The following IARS1 variants were observed in gnomAD, a reference collection of about 807,000 sequenced individuals.
IARS1 encodes the protein isoleucyl-tRNA synthetase 1.
A neutral mutation model predicts 168.2 loss-of-function variants in IARS1; 124 were observed. That is an observed-to-expected ratio of 0.74 (90% CI 0.64 to 0.86). The LOEUF (loss-of-function observed/expected upper bound fraction) is 0.86, where lower values mean the gene tolerates loss of function less well. Ranked by LOEUF, IARS1 falls within the 40% of genes least tolerant of loss-of-function variation. The pLI is 0.00. For synonymous variants in IARS1, 532 were observed against 529.4 expected, an observed-to-expected ratio of 1.00 and a Z score of -0.07; for missense variants, 1,452 against 1,515.8, an observed-to-expected ratio of 0.96 and a Z score of 0.70.
In IARS1 at chr9:92,293,691, G is replaced by A. The variant is rs1392356977; in HGVS notation, c.-88C>T. 7.5e-6 allele frequency: 2 copies of A among 268,038 alleles called. No individual in the cohort carries two copies. The highest frequency in any genetic ancestry group is 4.5e-5 in the African/African-American group (2 of 44,882). 16.6% of individuals were successfully genotyped at this position (268,038 alleles called of 1,614,324 possible). ...TCATCCGGCGTCCACGCTGCAACCG[G>A]GCGCACGGAGGTGATGCAACGCGCT... is the stretch of plus-strand genomic sequence containing the variant. On this transcript the variant is annotated 5_prime_UTR_variant, in exon 1 of 34. Transcript: ENST00000443024.
chr9:92,240,966 G>C lies in IARS1; in HGVS notation c.3178-5C>G. On this transcript the variant is annotated splice_polypyrimidine_tract_variant and splice_region_variant and intron_variant, in intron 29 of 33. Transcript: ENST00000443024. ...TTCCAGTTCAGATCCCTTCAACTGA[G>C]CACATGAGAACGTATGACTGAGTAA... The C allele has an allele frequency of 6.4e-7, 1 of 1,571,698 alleles. No individual in the cohort carries two copies. The highest frequency in any genetic ancestry group is 2.2e-5 in the East Asian group (1 of 44,674).
intron 31 of IARS1, among the ~76,000 whole-genome samples, chr9:92,226,319 T>A (rs955885873): frequency 6.6e-6 from 1 of 152,176 alleles, no homozygotes; most frequent in African/African-American, 2.4e-5. Context: ...CTGACAACAT[T>A]TGAGTCTGCC....
rs1263306741 is a variant in IARS1, at chr9:92,240,719, GA to G, written c.3283+136del. The G allele has an allele frequency of 2.5e-5, 18 of 720,814 alleles. No homozygotes were observed. In the East Asian group the frequency reaches 4.8e-4, roughly 19 times the overall value. 44.7% of individuals were successfully genotyped at this position (720,814 alleles called of 1,614,324 possible). On this transcript the variant is annotated intron_variant, in intron 30 of 33. Transcript: ENST00000443024. ...AGTGAATTCATTTTGATGACAAGAA[GA>G]AAAAGTTATCTATTAAACATGATTA...
In IARS1 at chr9:92,285,794, A is replaced by G. The variant is rs199503628; in HGVS notation, c.525T>C (p.Gly175=). 6.2e-7 allele frequency: 1 copy of G among 1,613,580 alleles called. No homozygotes were observed. Reference sequence around the variant, plus strand: ...CCGTAGAGAAGGGCATGACTTTCACACCTCTATAAACAAGGCCTTTATCAT... The same window carrying G: ...CCGTAGAGAAGGGCATGACTTTCACGCCTCTATAAACAAGGCCTTTATCAT... ...QLYDKGLVYR[G]VKVMPFSTAC... Residue 175 remains glycine (G), a synonymous_variant, in exon 6 of 34, where the codon GGT becomes GGC. Transcript: ENST00000443024.
At chr9:92,221,646 G>T (rs184478585) in intron 33 of IARS1, among the ~76,000 whole-genome samples, 55 of 152,308 alleles carry the variant, frequency 3.6e-4, no homozygotes, top group Non-Finnish European at 1.2e-4. Flanking sequence ...AGTGCTAAGT[G>T]GGAGAACGGG....
At chr9:92,233,069 C>T (rs1306767956) in intron 30 of IARS1, among the ~76,000 whole-genome samples, 1 of 152,158 alleles carries the variant, frequency 6.6e-6, no homozygotes, top group Non-Finnish European at 1.5e-5. Context: ...AATTTTCTTT[C>T]ATTATGAAGA....
In IARS1 at chr9:92,210,903, A is replaced by T; in HGVS notation, c.3707-14T>A. 3 of 1,513,752 alleles carry T rather than the reference A, an allele frequency of 2.0e-6. No homozygotes were observed. Among genetic ancestry groups the T allele is most frequent in the Non-Finnish European group, 2.8e-6 (3 of 1,088,834 alleles). 93.8% of individuals were successfully genotyped at this position (1,513,752 alleles called of 1,614,324 possible). ...CTTCTGTAATTTCTAGAATGGAAAG[A>T]AAAAGTTGAAAAAAAATCAGTATTT... On this transcript the variant is annotated splice_polypyrimidine_tract_variant and intron_variant, in intron 33 of 33. Coordinates refer to ENST00000443024, the MANE Select transcript of IARS1 (RefSeq NM_002161.6).
chr9:92,251,722 G>A (rs1185526811), intron 22 of IARS1, 86 bp downstream of exon 22: 1 of 864,616 alleles, frequency 1.2e-6, no homozygotes, highest in Non-Finnish European at 1.9e-6. Context: ...AATACAGAAT[G>A]GATATAAATG....
At chr9:92,212,391 T>G (rs1318604219) in intron 33 of IARS1, among the ~76,000 whole-genome samples, 6 of 152,016 alleles carry the variant, frequency 3.9e-5, no homozygotes, top group Non-Finnish European at 8.8e-5. Context: ...CATTTAAAAG[T>G]TCTCACCCAC....
At chr9:92,266,746 C>G (rs1406909431) in intron 14 of IARS1, among the ~76,000 whole-genome samples, 1 of 152,198 alleles carries the variant, frequency 6.6e-6, no homozygotes, top group Non-Finnish European at 1.5e-5. Flanking sequence ...CCCGTTTCTT[C>G]TCTTGCCATG....
chr9:92,248,459 G>A (rs1220954923), intron 25 of IARS1, among the ~76,000 whole-genome samples: 3 of 151,788 alleles, frequency 2.0e-5, no homozygotes, highest in African/African-American at 7.3e-5. Context: ...GATCACTTGA[G>A]CTCAGGAGTT....
At chr9:92,216,104 T>TG (rs1838635197) in intron 33 of IARS1, among the ~76,000 whole-genome samples, 1 of 149,072 alleles carries the variant, frequency 6.7e-6, no homozygotes, top group African/African-American at 2.5e-5. Context: ...CAGAAGAGAG[T>TG]GGGGGCCAAT....
chr9:92,277,878 A>G lies in IARS1; in HGVS notation c.879T>C (p.Phe293=). 1 of 1,613,952 alleles carries G rather than the reference A, an allele frequency of 6.2e-7. No individual in the cohort carries two copies. The highest frequency in any genetic ancestry group is 8.5e-7 in the Non-Finnish European group (1 of 1,179,924). The part of the protein sequence containing the change: ...YLKGKKYRPL[F]DYFLKCKENG... ...CTAAGCTTACCTTCAGGAAATAGTC[A>G]AACAGGGGCCTGTACTTCTTGCCTT... is the stretch of plus-strand genomic sequence containing the variant. The change falls in exon 9 of 34, where the codon TTT becomes TTC. Residue 293 remains phenylalanine, a synonymous_variant. Transcript: ENST00000443024.
At chr9:92,238,889 GGTTCTTGGAAACT>G (rs1827956032) in intron 30 of IARS1, among the ~76,000 whole-genome samples, 1 of 152,018 alleles carries the variant, frequency 6.6e-6, no homozygotes, top group Non-Finnish European at 1.5e-5. Context: ...GTTGCTGGTA[GGTTCTTGGAAACT>G]GTGACTTCAA....
At chr9:92,290,571 T>C (rs150093861) in intron 1 of IARS1, among the ~76,000 whole-genome samples, 2,192 of 152,288 alleles carry the variant, frequency 0.014, 32 homozygotes, top group South Asian at 0.038. Flanking sequence ...CAATTTTTGG[T>C]TTTGCTGCTT....
rs1463952689 is a variant in IARS1, at chr9:92,280,918, T to C, written c.598-25A>G. ...CCTGAAATAAATTGAGGTAAAGTAT[T>C]GTTTTAGAAATCCACAATAACAGAC... On this transcript the variant is annotated intron_variant, in intron 6 of 33. Transcript: ENST00000443024. 4 of 1,570,894 alleles carry C rather than the reference T, an allele frequency of 2.5e-6. No homozygotes were observed. The Admixed American group carries it at 5.1e-5, about 20-fold the overall frequency.
Position 92,260,197 on chromosome 9 carries a change from G to T in IARS1, c.1825C>A (p.Pro609Thr). Reference protein sequence around the residue: ...QKMSKRKKNYPDPVSIIQKYG... With the variant: ...QKMSKRKKNYTDPVSIIQKYG... ...TTCTGGATGATGGAAACTGGATCTG[G>T]ATAATTCTTTTTCCGTTTGCTCATT... Residue 609 changes from proline (P) to threonine (T), a missense_variant, in exon 18 of 34, where the codon CCA (proline) becomes ACA (threonine). Pro to Thr is a conservative substitution (Grantham distance 38). Coordinates refer to ENST00000443024, the MANE Select transcript of IARS1 (RefSeq NM_002161.6). The T allele has an allele frequency of 1.2e-6, 2 of 1,614,098 alleles. No homozygotes were observed. The highest frequency in any genetic ancestry group is 1.7e-6 in the Non-Finnish European group (2 of 1,179,956).
Position 92,222,684 on chromosome 9 carries a change from A to T in IARS1, c.3554-12T>A. 6.2e-7 allele frequency: 1 copy of T among 1,613,200 alleles called. No individual in the cohort carries two copies. The stretch of plus-strand genomic sequence containing the variant: ...CCCCATTAAACACTCTGTGGAAGAC[A>T]GAACAAACTGGATTAAATCTCGAGA... On this transcript the variant is annotated splice_polypyrimidine_tract_variant and intron_variant, in intron 32 of 33. Transcript: ENST00000443024.
At chr9:92,242,968 G>A in intron 28 of IARS1, 1 of 404,918 alleles carries the variant, frequency 2.5e-6, no homozygotes, top group Non-Finnish European at 4.7e-6. Flanking sequence ...TTCTGTAGAA[G>A]CCCAACGGAG....
Sources: gnomAD v4.1 joint callset for allele counts (sites outside exome capture counted in the v4.1 genomes callset) on GRCh38, gnomAD v4.1.1 for gene constraint, MANE v1.5 for transcripts, NCBI Gene and HGNC (gene_info 2026-07-23, HGNC 2026-07-21) for gene names.